Variants in ANKS1B observed in about 807,000 individuals in gnomAD.
ANKS1B encodes ankyrin repeat and sterile alpha motif domain containing 1B.
ANKS1B carries 36 observed loss-of-function variants against 148.3 expected under a neutral mutation model. The ratio of observed to expected loss-of-function variants is 0.24; its 90% CI spans 0.19 to 0.32. The LOEUF is 0.32. Ranked by LOEUF, ANKS1B falls within the 10% of genes least tolerant of loss-of-function variation. The pLI is 1.00. For missense variants in ANKS1B, 1,157 were observed against 1,542.6 expected, an observed-to-expected ratio of 0.75 and a Z score of 4.19; for synonymous variants, 542 against 560.8, an observed-to-expected ratio of 0.97 and a Z score of 0.47.
chr12:99,080,841 G>C (rs532285611), intron 16 of ANKS1B, among the ~76,000 whole-genome samples: 14 of 152,272 alleles, frequency 9.2e-5, no homozygotes, highest in Non-Finnish European at 1.0e-4. Flanking sequence ...TTCTAGGACA[G>C]TAGAAAAAAA....
chr12:99,446,262 T>C (rs868153838), intron 10 of ANKS1B, among the ~76,000 whole-genome samples: 2 of 151,972 alleles, frequency 1.3e-5, no homozygotes, highest in Non-Finnish European at 2.9e-5. Context: ...GTTGAAGCTG[T>C]TATTTCATAT....
At chr12:99,206,867 A>G (rs1290871553) in intron 14 of ANKS1B, among the ~76,000 whole-genome samples, 1 of 152,232 alleles carries the variant, frequency 6.6e-6, no homozygotes, top group African/African-American at 2.4e-5. Context: ...AAAAATTTAC[A>G]TCTATAAAGA....
intron 12 of ANKS1B, among the ~76,000 whole-genome samples, chr12:99,374,292 C>T (rs760779167): frequency 1.3e-5 from 2 of 152,148 alleles, no homozygotes; most frequent in South Asian, 4.1e-4. Context: ...GTTAGAGCCA[C>T]TGTCTGTGTG....
chr12:99,832,711 G>A (rs1054752778), intron 1 of ANKS1B, among the ~76,000 whole-genome samples: 1 of 150,530 alleles, frequency 6.6e-6, no homozygotes, highest in Non-Finnish European at 1.5e-5. Flanking sequence ...ATGACAGAGA[G>A]AGACTCCATC....
At chr12:99,106,120 T>A (rs144559376) in intron 15 of ANKS1B, among the ~76,000 whole-genome samples, 1 of 152,204 alleles carries the variant, frequency 6.6e-6, no homozygotes, top group Non-Finnish European at 1.5e-5. Flanking sequence ...TCTACTTCAA[T>A]AGAAATGCTC....
chr12:98,790,182 G>GT (rs1160053405), intron 22 of ANKS1B, among the ~76,000 whole-genome samples: 2 of 152,172 alleles, frequency 1.3e-5, no homozygotes, highest in Admixed American at 1.3e-4. Context: ...CAACTTCTGT[G>GT]TTTTTTGGGG....
At chr12:99,536,340 G>A (rs953455140) in intron 9 of ANKS1B, among the ~76,000 whole-genome samples, 2 of 152,098 alleles carry the variant, frequency 1.3e-5, no homozygotes, top group South Asian at 2.1e-4. Flanking sequence ...GGGAGATATG[G>A]GAAATCTCTG....
intron 12 of ANKS1B, among the ~76,000 whole-genome samples, chr12:99,308,386 C>G (rs921847845): frequency 2.6e-5 from 4 of 151,934 alleles, no homozygotes; most frequent in African/African-American, 9.7e-5. Context: ...AGAGAAAATA[C>G]TGCAATATAA....
At chr12:99,319,804 T>C (rs932902561) in intron 12 of ANKS1B, among the ~76,000 whole-genome samples, 5 of 152,234 alleles carry the variant, frequency 3.3e-5, no homozygotes, top group African/African-American at 1.2e-4. Context: ...CTTTACAATT[T>C]GGCACATTTT....
intron 17 of ANKS1B, among the ~76,000 whole-genome samples, chr12:99,013,520 A>T (rs902744038): frequency 3.9e-5 from 6 of 152,228 alleles, no homozygotes; most frequent in African/African-American, 1.4e-4. Context: ...CAGGGCAATC[A>T]GGCAAGAGGA....
intron 19 of ANKS1B, among the ~76,000 whole-genome samples, chr12:98,816,425 A>G (rs1200909769): frequency 1.3e-5 from 2 of 152,084 alleles, no homozygotes; most frequent in Non-Finnish European, 2.9e-5. Flanking sequence ...CCTCCCGAGT[A>G]GCTGGGATTA....
At chr12:99,890,758 A>G (rs2093060745) in intron 1 of ANKS1B, among the ~76,000 whole-genome samples, 1 of 152,182 alleles carries the variant, frequency 6.6e-6, no homozygotes, top group Admixed American at 6.5e-5. Context: ...CCAATTAAAC[A>G]GTTGAATAAG....
chr12:99,861,308 A>G (rs1312025295), intron 1 of ANKS1B, among the ~76,000 whole-genome samples: 2 of 152,242 alleles, frequency 1.3e-5, no homozygotes, highest in Non-Finnish European at 2.9e-5. Flanking sequence ...ATATAATCAC[A>G]TGAAATAAGA....
intron 9 of ANKS1B, among the ~76,000 whole-genome samples, chr12:99,591,848 C>CA (rs778043011): frequency 2.0e-5 from 3 of 152,138 alleles, no homozygotes; most frequent in Non-Finnish European, 4.4e-5. Flanking sequence ...TCTTGCCCCT[C>CA]TACATAAATG....
chr12:98,753,164 A>T (rs1022948444), intron 25 of ANKS1B, among the ~76,000 whole-genome samples: 1 of 152,182 alleles, frequency 6.6e-6, no homozygotes, highest in African/African-American at 2.4e-5. Flanking sequence ...TCCGACCTTC[A>T]ATCAGTCCTT....
At chr12:99,763,676 A>C (rs191810702) in intron 8 of ANKS1B, among the ~76,000 whole-genome samples, 6 of 152,290 alleles carry the variant, frequency 3.9e-5, no homozygotes, top group African/African-American at 1.2e-4. Flanking sequence ...GAAAAAAAAA[A>C]ACAAAATAGC....
At chr12:99,112,057 T>C (rs79735781) in intron 15 of ANKS1B, among the ~76,000 whole-genome samples, 174 of 152,306 alleles carry the variant, frequency 1.1e-3, no homozygotes, top group African/African-American at 4.0e-3. Flanking sequence ...ATTGCTTTCA[T>C]ATATCTGCTT....
chr12:99,364,148 T>A (rs1429212959), intron 12 of ANKS1B, among the ~76,000 whole-genome samples: 1 of 152,086 alleles, frequency 6.6e-6, no homozygotes, highest in Non-Finnish European at 1.5e-5. Flanking sequence ...AAATATTTTA[T>A]TTTTTGCAGG....
intron 12 of ANKS1B, among the ~76,000 whole-genome samples, chr12:99,398,973 C>A (rs1224019326): frequency 6.6e-6 from 1 of 152,064 alleles, no homozygotes; most frequent in African/African-American, 2.4e-5. Flanking sequence ...TTGTCTTTAA[C>A]CCTTATTGTA....
Sources: allele counts gnomAD v4.1 joint callset (sites outside exome capture counted in the v4.1 genomes callset), GRCh38; gene constraint gnomAD v4.1.1; transcripts MANE v1.5; gene names NCBI Gene and HGNC (gene_info 2026-07-23, HGNC 2026-07-21).